The following CFAP47 variants were observed in gnomAD, a reference collection of about 807,000 sequenced individuals.
CFAP47 encodes cilia and flagella associated protein 47.
CFAP47 carries 29 observed loss-of-function variants against 148.1 expected under a neutral mutation model. The observed-to-expected ratio is 0.20, with a 90% CI of 0.15 to 0.27. CFAP47 has a LOEUF of 0.27. Among genes scored for constraint, CFAP47 ranks in the 10% least tolerant of loss-of-function variants. The probability of loss-of-function intolerance (pLI) is 1.00; values close to 1 mark genes in which losing one functional copy is unlikely to be tolerated. For missense variants in CFAP47, 1,872 were observed against 1,697.5 expected, an observed-to-expected ratio of 1.10 and a Z score of -1.81; for synonymous variants, 664 against 577.3, an observed-to-expected ratio of 1.15 and a Z score of -2.15.
At chrX:36,068,955 T>TAAAAAAA (rs113537853) in intron 27 of CFAP47, among the ~76,000 whole-genome samples, 1 of 87,180 alleles carries the variant, frequency 1.1e-5, no homozygotes. Flanking sequence ...ACTCCTCAAT[T>TAAAAAAA]AAAAAAAAAA....
chrX:36,118,531 G>A lies in CFAP47; in HGVS notation c.5320+13840G>A, dbSNP rs754309070. 4.6e-4 allele frequency among the ~76,000 whole-genome samples: 51 copies of A among 110,606 alleles called. 1 individual carries two copies. Among genetic ancestry groups the A allele is most frequent in the Non-Finnish European group, 8.3e-4 (44 of 52,941 alleles). On this transcript the variant is annotated intron_variant, in intron 33 of 63. Transcript: ENST00000378653. ...GTCACCCAGGCTGGAATGCCGTGGCGTGATCTTGGTTCACTGCAAGCTCTG... is the reference window on the plus strand; with the variant it reads ...GTCACCCAGGCTGGAATGCCGTGGCATGATCTTGGTTCACTGCAAGCTCTG...
intron 48 of CFAP47, among the ~76,000 whole-genome samples, chrX:36,247,818 TA>T (rs1341361946): frequency 9.0e-6 from 1 of 111,335 alleles, no homozygotes; most frequent in Non-Finnish European, 1.9e-5. Context: ...TTGTCTGCAT[TA>T]TATATAAATT....
At chrX:35,963,564 G>T (rs753942923) in intron 8 of CFAP47, among the ~76,000 whole-genome samples, 10 of 110,672 alleles carry the variant, frequency 9.0e-5, no homozygotes, top group African/African-American at 2.9e-4. Flanking sequence ...CCATTTATAT[G>T]TAATGTAACT....
intron 33 of CFAP47, among the ~76,000 whole-genome samples, chrX:36,118,576 TCTC>T: frequency 9.0e-6 from 1 of 110,820 alleles, no homozygotes; most frequent in East Asian, 2.8e-4. Flanking sequence ...TTTACACCAT[TCTC>T]CTGCCTCAGC....
At chrX:36,293,136 C>T (rs782435150) in intron 51 of CFAP47, among the ~76,000 whole-genome samples, 1 of 111,184 alleles carries the variant, frequency 9.0e-6, no homozygotes, top group South Asian at 3.8e-4. Flanking sequence ...ATGGAGCTAC[C>T]ATTCTAGTGG....
Position 36,188,689 on chromosome X carries a change from C to A in CFAP47, c.6174C>A (p.Thr2058=). Residue 2058 remains threonine (T), a splice_region_variant and synonymous_variant, in exon 41 of 64, where the codon ACC becomes ACA. Transcript: ENST00000378653. ...CCGATTCCCCAAATGTCTTACATAC[C>A]TGTGAGTACCTAAATAAAAGTTTTT... is the stretch of plus-strand genomic sequence containing the variant. ...GCSDSPNVLH[T]SIKSTFIREF... The A allele has an allele frequency of 3.4e-6, 1 of 297,096 alleles. No homozygotes were observed. Among genetic ancestry groups the A allele is most frequent in the Non-Finnish European group, 5.9e-6 (1 of 170,019 alleles). The allele number at this position is 297,096 out of a possible 1,213,427, so 24.5% of individuals were successfully genotyped here. A position where few individuals can be genotyped will look rare whatever the true frequency, so the allele number is the denominator to read the frequency against.
intron 57 of CFAP47, among the ~76,000 whole-genome samples, chrX:36,329,074 AAG>A (rs1414707016): frequency 4.2e-4 from 47 of 111,465 alleles, no homozygotes; most frequent in African/African-American, 1.4e-3. Flanking sequence ...CTCAAAGACA[AAG>A]AGAATATTTG....
chrX:36,124,421 G>A (rs1332965043), intron 33 of CFAP47, among the ~76,000 whole-genome samples: 2 of 111,496 alleles, frequency 1.8e-5, no homozygotes. Context: ...CTGTGATGGT[G>A]AGCCTTGTGC....
intron 51 of CFAP47, among the ~76,000 whole-genome samples, chrX:36,286,494 G>A (rs987873080): frequency 4.5e-5 from 5 of 110,202 alleles, no homozygotes; most frequent in African/African-American, 6.6e-5. Flanking sequence ...TGATTTCTGG[G>A]TAAATCTCCA....
In CFAP47 at chrX:36,229,382, G is replaced by C. The variant is rs182541657; in HGVS notation, c.7014+558G>C. Among the ~76,000 whole-genome samples, 56 of 111,509 alleles carry C rather than the reference G, an allele frequency of 5.0e-4. No individual in the cohort carries two copies. The East Asian group carries it at 0.015, about 30-fold the overall frequency. Reference sequence around the variant, plus strand: ...GAGATATATAATCTTTGCTATGTGAGCAACATACCAGGTAGAATGACAATT... The same window carrying C: ...GAGATATATAATCTTTGCTATGTGACCAACATACCAGGTAGAATGACAATT... On this transcript the variant is annotated intron_variant, in intron 46 of 63. Coordinates refer to ENST00000378653, the MANE Select transcript of CFAP47 (RefSeq NM_001304548.2).
chrX:36,317,828 A>C (rs1173497029), intron 56 of CFAP47, among the ~76,000 whole-genome samples: 1 of 111,735 alleles, frequency 8.9e-6, no homozygotes, highest in African/African-American at 3.2e-5. Context: ...TTATTGTACA[A>C]ATAAAAAGTA....
intron 8 of CFAP47, among the ~76,000 whole-genome samples, chrX:35,960,380 G>GGAAAAAAAAAAAAAAAAAAAAAAAAAAA (rs1227681980): frequency 3.2e-4 from 5 of 15,489 alleles, no homozygotes; most frequent in African/African-American, 1.3e-3. Flanking sequence ...GCTAATTTCT[G>GGAAAAAAAAAAAAAAAAAAAAAAAAAAA]AAAAAAAAAA....
chrX:36,131,381 T>C (rs1017181320), intron 33 of CFAP47, among the ~76,000 whole-genome samples: 1 of 110,922 alleles, frequency 9.0e-6, no homozygotes, highest in Admixed American at 9.6e-5. Flanking sequence ...TGAGAGAGGT[T>C]ATGCATGCAT....
At chrX:36,214,088 C>A (rs181042171) in intron 45 of CFAP47, among the ~76,000 whole-genome samples, 1 of 111,367 alleles carries the variant, frequency 9.0e-6, no homozygotes, top group African/African-American at 3.3e-5. Flanking sequence ...TTACACCAAC[C>A]TAGATGGTAT....
Position 36,085,323 on chromosome X carries a change from T to C in CFAP47, c.4701T>C (p.Tyr1567=). ...SIPETIRRDV[Y]KMQFYSSTSP... Reference sequence around the variant, plus strand: ...AGTCTTTTTCTCATAGGGATGTATATAAAATGCAATTCTACTCATCAACCT... The same window carrying C: ...AGTCTTTTTCTCATAGGGATGTATACAAAATGCAATTCTACTCATCAACCT... Residue 1567 remains tyrosine (Y), a synonymous_variant, in exon 30 of 64, where the codon TAT becomes TAC. Transcript: ENST00000378653. The C allele has an allele frequency of 8.4e-7, 1 of 1,185,383 alleles. No individual in the cohort carries two copies. The highest frequency in any genetic ancestry group is 3.0e-5 in the East Asian group (1 of 33,588).
chrX:36,371,244 G>T (rs1556021287), intron 62 of CFAP47, among the ~76,000 whole-genome samples: 1 of 110,544 alleles, frequency 9.0e-6, no homozygotes, highest in Non-Finnish European at 1.9e-5. Flanking sequence ...TGAGCATTAT[G>T]AATTACACAA....
At chrX:36,297,171 G>A (rs964619641) in intron 51 of CFAP47, among the ~76,000 whole-genome samples, 4 of 111,534 alleles carry the variant, frequency 3.6e-5, no homozygotes, top group African/African-American at 1.3e-4. Context: ...TTCACCAGAT[G>A]TTGTTCACCA....
At chrX:36,100,397 C>G (rs144889354) in intron 32 of CFAP47, among the ~76,000 whole-genome samples, 1,861 of 112,016 alleles carry the variant, frequency 0.017, 48 homozygotes, top group African/African-American at 0.057. Context: ...AAGATTCATA[C>G]AACTATAGGC....
chrX:36,319,983 G>T (rs782124930), intron 57 of CFAP47, among the ~76,000 whole-genome samples: 2 of 110,544 alleles, frequency 1.8e-5, no homozygotes, highest in African/African-American at 6.6e-5. Flanking sequence ...ACACCATCCC[G>T]CATGGCTAAT....
Sources: allele counts gnomAD v4.1 joint callset (sites outside exome capture counted in the v4.1 genomes callset), GRCh38; gene constraint gnomAD v4.1.1; transcripts MANE v1.5; gene names NCBI Gene and HGNC (gene_info 2026-07-23, HGNC 2026-07-21).